The following NALF1 variants were observed in gnomAD, a reference collection of about 807,000 sequenced individuals.
NALF1 encodes NALCN channel auxiliary factor 1, also known as family with sequence similarity 155 member A.
A neutral mutation model predicts 48.4 loss-of-function variants in NALF1; 3 were observed. The observed-to-expected ratio is 0.06, with a 90% CI of 0.03 to 0.16. The LOEUF is 0.16. Ranked by LOEUF, NALF1 falls within the 10% of genes least tolerant of loss-of-function variation. The pLI, the probability that NALF1 is intolerant of heterozygous loss-of-function variation, is 1.00. For missense variants in NALF1, 526 were observed against 571.5 expected, an observed-to-expected ratio of 0.92 and a Z score of 0.81; for synonymous variants, 262 against 245.7, an observed-to-expected ratio of 1.07 and a Z score of -0.62.
At chr13:107,377,446 A>G (rs982019883) in intron 1 of NALF1, among the ~76,000 whole-genome samples, 3 of 152,118 alleles carry the variant, frequency 2.0e-5, no homozygotes, top group Admixed American at 6.6e-5. Context: ...TGCATTTTGC[A>G]TTTTGCATCT....
chr13:107,213,984 C>T (rs759668798), intron 1 of NALF1, among the ~76,000 whole-genome samples: 5 of 152,090 alleles, frequency 3.3e-5, no homozygotes, highest in African/African-American at 9.7e-5. Context: ...AAAAAACAAA[C>T]AGGTAGCTAC....
chr13:107,263,025 T>C (rs1880964637), intron 1 of NALF1, among the ~76,000 whole-genome samples: 1 of 151,988 alleles, frequency 6.6e-6, no homozygotes, highest in Non-Finnish European at 1.5e-5. Flanking sequence ...CTTTAATGGG[T>C]AGCAAAGGTG....
intron 1 of NALF1, among the ~76,000 whole-genome samples, chr13:107,263,278 ACAC>A (rs1566467977): frequency 5.3e-5 from 8 of 151,746 alleles, no homozygotes; most frequent in Non-Finnish European, 8.8e-5. Context: ...ACACACACAC[ACAC>A]ACACACACAC....
intron 1 of NALF1, among the ~76,000 whole-genome samples, chr13:107,637,295 A>T (rs1880005911): frequency 2.0e-5 from 3 of 152,084 alleles, no homozygotes; most frequent in Admixed American, 2.0e-4. Context: ...TTATTTGTTA[A>T]GTTGTTGGGG....
rs572539642 is a variant in NALF1, at chr13:107,625,509, A to G, written c.915+240173T>C. On this transcript the variant is annotated intron_variant, in intron 1 of 2. Coordinates refer to ENST00000375915, the MANE Select transcript of NALF1 (RefSeq NM_001080396.3). ...CTGATTTCCCATCTTTCATGTCTAT[A>G]TATGTTAGTGCTGCATTTTATGTGA... Among the ~76,000 whole-genome samples the G allele has an allele frequency of 8.5e-5, 13 of 152,242 alleles. No individual in the cohort carries two copies. In the South Asian group the frequency reaches 1.9e-3, roughly 22 times the overall value.
intron 1 of NALF1, among the ~76,000 whole-genome samples, chr13:107,287,526 T>G (rs1221119346): frequency 6.6e-6 from 1 of 152,116 alleles, no homozygotes; most frequent in African/African-American, 2.4e-5. Context: ...CTCAAATTTC[T>G]CCCAGAATTT....
At chr13:107,366,314 T>C (rs1883151007) in intron 1 of NALF1, among the ~76,000 whole-genome samples, 1 of 152,196 alleles carries the variant, frequency 6.6e-6, no homozygotes, top group Non-Finnish European at 1.5e-5. Flanking sequence ...GAAGAATGAT[T>C]TTAAATATCT....
At chr13:107,268,005 T>C (rs1175214361) in intron 1 of NALF1, among the ~76,000 whole-genome samples, 1 of 66,904 alleles carries the variant, frequency 1.5e-5, no homozygotes, top group Non-Finnish European at 3.1e-5. Flanking sequence ...TTTTTTTTTT[T>C]GAGATGGAGT....
At chr13:107,320,194 T>C (rs1270141206) in intron 1 of NALF1, among the ~76,000 whole-genome samples, 3 of 152,046 alleles carry the variant, frequency 2.0e-5, no homozygotes, top group African/African-American at 7.2e-5. Flanking sequence ...TAAACAGACA[T>C]TGACTGGCAG....
In NALF1 at chr13:107,272,195, ATTTTTTTTTTTTTTTTT is replaced by A. The variant is rs776753457; in HGVS notation, c.916-61457_916-61441del. On this transcript the variant is annotated intron_variant, in intron 1 of 2. Coordinates refer to ENST00000375915, the MANE Select transcript of NALF1 (RefSeq NM_001080396.3). ...GCTGACAAAATAAGCAGACCTTAGA[ATTTTTTTTTTTTTTTTT>A]TTTTTTTTTTTTTGAGACGGAGTCT... Among the ~76,000 whole-genome samples the A allele has an allele frequency of 1.3e-4, 3 of 22,536 alleles. 1 individual carries two copies. Among genetic ancestry groups the A allele is most frequent in the African/African-American group, 2.9e-4 (3 of 10,384 alleles). The allele number at this position is 22,536 out of a possible 152,430, so 14.8% of individuals were successfully genotyped here.
At chr13:107,292,992 CT>C (rs55786928) in intron 1 of NALF1, among the ~76,000 whole-genome samples, 35,509 of 110,494 alleles carry the variant, frequency 0.32, 5,596 homozygotes, top group South Asian at 0.54. Flanking sequence ...TTTTCTTTTT[CT>C]TTTTTTTTTT....
intron 1 of NALF1, among the ~76,000 whole-genome samples, chr13:107,497,016 G>A (rs1271134982): frequency 1.3e-5 from 2 of 152,060 alleles, no homozygotes; most frequent in Admixed American, 6.6e-5. Context: ...ATATTCTACT[G>A]GAGCATGGAC....
chr13:107,637,994 A>C (rs1214198152), intron 1 of NALF1, among the ~76,000 whole-genome samples: 1 of 151,708 alleles, frequency 6.6e-6, no homozygotes, highest in East Asian at 2.0e-4. Context: ...AACTCAACAG[A>C]TTTGGTTTTA....
At chr13:107,796,099 A>C (rs1023881876) in intron 1 of NALF1, among the ~76,000 whole-genome samples, 1 of 152,176 alleles carries the variant, frequency 6.6e-6, no homozygotes, top group Non-Finnish European at 1.5e-5. Flanking sequence ...CAACAGGTTT[A>C]ATGCTAATAT....
chr13:107,302,849 CACACACACACACAGACACACACAG>C (rs1166259978), intron 1 of NALF1, among the ~76,000 whole-genome samples: 1 of 151,468 alleles, frequency 6.6e-6, no homozygotes, highest in Non-Finnish European at 1.5e-5. Flanking sequence ...CTCACTCTCT[CACACACACACACAGACACACACAG>C]ACACACACAC....
At chr13:107,490,150 T>A (rs997620317) in intron 1 of NALF1, among the ~76,000 whole-genome samples, 3 of 152,156 alleles carry the variant, frequency 2.0e-5, no homozygotes, top group African/African-American at 7.2e-5. Context: ...AGGTCAACCA[T>A]TGTAGAAGAC....
intron 1 of NALF1, among the ~76,000 whole-genome samples, chr13:107,710,044 A>T (rs1875517674): frequency 6.6e-6 from 1 of 152,028 alleles, no homozygotes; most frequent in Non-Finnish European, 1.5e-5. Context: ...TTGAGCCTGG[A>T]AGTTCAAGGT....
At chr13:107,683,729 A>G (rs879889254) in intron 1 of NALF1, among the ~76,000 whole-genome samples, 5 of 152,096 alleles carry the variant, frequency 3.3e-5, no homozygotes, top group Non-Finnish European at 7.4e-5. Context: ...GCCTCTTCAG[A>G]GCTCTCCTGC....
chr13:107,683,165 T>C (rs998361542), intron 1 of NALF1, among the ~76,000 whole-genome samples: 1 of 152,106 alleles, frequency 6.6e-6, no homozygotes, highest in African/African-American at 2.4e-5. Flanking sequence ...GGAGGATTGC[T>C]TGAGCCAGGG....
Sources: allele counts gnomAD v4.1 joint callset (sites outside exome capture counted in the v4.1 genomes callset), GRCh38; gene constraint gnomAD v4.1.1; transcripts MANE v1.5; gene names NCBI Gene and HGNC (gene_info 2026-07-23, HGNC 2026-07-21).